SH3GL2: variants seen among roughly 807,000 people sequenced by gnomAD.
SH3GL2 encodes the protein SH3 domain containing GRB2 like 2, endophilin A1.
In SH3GL2, 24 loss-of-function variants were observed where a neutral mutation model predicts 46.0. That is an observed-to-expected ratio of 0.52 (90% CI 0.38 to 0.73). The LOEUF (loss-of-function observed/expected upper bound fraction) is 0.73. SH3GL2 is among the 30% of genes least tolerant of loss of function. SH3GL2 has a pLI of 0.00. For missense variants in SH3GL2, 413 were observed against 424.2 expected (o/e 0.97, Z 0.23); for synonymous variants, 196 against 147.1 (o/e 1.33, Z -2.40).
At chr9:17,741,351 T>C (rs1322186571) in intron 1 of SH3GL2, among the ~76,000 whole-genome samples, 1 of 152,174 alleles carries the variant, frequency 6.6e-6, no homozygotes, top group Non-Finnish European at 1.5e-5. Context: ...AATACATGTA[T>C]TTAGACGGTA....
At chr9:17,658,935 G>A (rs1820151991) in intron 1 of SH3GL2, among the ~76,000 whole-genome samples, 1 of 152,204 alleles carries the variant, frequency 6.6e-6, no homozygotes, top group Non-Finnish European at 1.5e-5. Flanking sequence ...TGTCCCTGGA[G>A]AGGGAGCTAA....
chr9:17,631,349 A>T (rs1819416996), intron 1 of SH3GL2, among the ~76,000 whole-genome samples: 1 of 152,182 alleles, frequency 6.6e-6, no homozygotes, highest in African/African-American at 2.4e-5. Context: ...ACCACAGTGT[A>T]GTGTTCTGAC....
At chr9:17,622,966 T>TTTTCC (rs1819178495) in intron 1 of SH3GL2, among the ~76,000 whole-genome samples, 1 of 87,204 alleles carries the variant, frequency 1.1e-5, no homozygotes, top group Non-Finnish European at 2.5e-5. Context: ...CCTCCCTCCC[T>TTTTCC]TTTCCTTTCG....
intron 3 of SH3GL2, among the ~76,000 whole-genome samples, chr9:17,764,112 C>G (rs1199166722): frequency 6.6e-6 from 1 of 152,176 alleles, no homozygotes; most frequent in East Asian, 1.9e-4. Context: ...GAATGGACAT[C>G]TGCCACTAAG....
intron 1 of SH3GL2, among the ~76,000 whole-genome samples, chr9:17,732,663 GT>G (rs1480818155): frequency 6.6e-6 from 1 of 152,090 alleles, no homozygotes; most frequent in African/African-American, 2.4e-5. Context: ...AATTGGCCTA[GT>G]GATAATATGA....
At chr9:17,582,202 T>TA (rs1818290409) in intron 1 of SH3GL2, among the ~76,000 whole-genome samples, 3 of 152,086 alleles carry the variant, frequency 2.0e-5, no homozygotes, top group South Asian at 4.1e-4. Context: ...AATTTGGAGG[T>TA]AAAAAAATGC....
chr9:17,674,150 T>C (rs1449071627), intron 1 of SH3GL2, among the ~76,000 whole-genome samples: 2 of 152,258 alleles, frequency 1.3e-5, no homozygotes, highest in Non-Finnish European at 2.9e-5. Flanking sequence ...TGAGAGTTAG[T>C]AACATGTTCT....
intron 3 of SH3GL2, among the ~76,000 whole-genome samples, chr9:17,784,672 C>T (rs1823904271): frequency 6.6e-6 from 1 of 152,136 alleles, no homozygotes; most frequent in Admixed American, 6.6e-5. Context: ...ATATGACTCA[C>T]TGCAGAAAAT....
At chr9:17,690,540 A>G (rs1263440227) in intron 1 of SH3GL2, among the ~76,000 whole-genome samples, 1 of 152,040 alleles carries the variant, frequency 6.6e-6, no homozygotes, top group Non-Finnish European at 1.5e-5. Context: ...ATTCTGCTCA[A>G]AAATTATGTT....
At chr9:17,681,551 C>G (rs1040167400) in intron 1 of SH3GL2, among the ~76,000 whole-genome samples, 11 of 152,060 alleles carry the variant, frequency 7.2e-5, no homozygotes, top group African/African-American at 2.4e-4. Flanking sequence ...CAAAAGTTAA[C>G]TCAAGATGGG....
rs367992280 is a variant in SH3GL2, at chr9:17,717,898, A to G, written c.46-29168A>G. ...GTTATGCTTTGACCTTTTCGGTGTT[A>G]AGGTTCTGTGTGAATCCTCTGGGTT... On this transcript the variant is annotated intron_variant, in intron 1 of 8. Transcript: ENST00000380607. Among the ~76,000 whole-genome samples, 10 of 152,154 alleles carry G rather than the reference A, an allele frequency of 6.6e-5. No homozygotes were observed. In the East Asian group the frequency reaches 1.6e-3, roughly 24 times the overall value.
chr9:17,782,534 G>C (rs1823839741), intron 3 of SH3GL2, among the ~76,000 whole-genome samples: 1 of 152,090 alleles, frequency 6.6e-6, no homozygotes, highest in Non-Finnish European at 1.5e-5. Context: ...AAGACTCAGT[G>C]GTAGCCTTGG....
intron 1 of SH3GL2, 48 bp downstream of exon 1, chr9:17,579,335 C>T (rs1818229681): frequency 3.7e-6 from 5 of 1,367,906 alleles, no homozygotes; most frequent in Non-Finnish European, 5.0e-6. Context: ...GGCGAAGCTG[C>T]GAGGGGCGCG....
chr9:17,678,864 C>T (rs1588230953), intron 1 of SH3GL2, among the ~76,000 whole-genome samples: 1 of 152,210 alleles, frequency 6.6e-6, no homozygotes, highest in Non-Finnish European at 1.5e-5. Flanking sequence ...AGCCAGTTTT[C>T]CCAGCACCAT....
intron 1 of SH3GL2, among the ~76,000 whole-genome samples, chr9:17,579,801 CG>C (rs1409773887): frequency 1.3e-5 from 2 of 152,184 alleles, no homozygotes; most frequent in African/African-American, 4.8e-5. Flanking sequence ...CCTTCCCCGC[CG>C]CCCGCAGGCT....
At chr9:17,592,116 C>T (rs1297762647) in intron 1 of SH3GL2, among the ~76,000 whole-genome samples, 1 of 152,148 alleles carries the variant, frequency 6.6e-6, no homozygotes, top group East Asian at 1.9e-4. Flanking sequence ...AGTCCAAAGG[C>T]CTGAGGCCCC....
intron 1 of SH3GL2, among the ~76,000 whole-genome samples, chr9:17,669,078 G>A (rs112539215): frequency 6.6e-6 from 1 of 152,094 alleles, no homozygotes; most frequent in African/African-American, 2.4e-5. Flanking sequence ...CTCTGTTTAT[G>A]TAATACCATG....
chr9:17,743,132 T>C (rs1822577035), intron 1 of SH3GL2, among the ~76,000 whole-genome samples: 1 of 152,154 alleles, frequency 6.6e-6, no homozygotes, highest in Non-Finnish European at 1.5e-5. Flanking sequence ...CTCACCTTGA[T>C]CCTTATGCAT....
At chr9:17,790,478 T>A in intron 6 of SH3GL2, 3 of 944,672 alleles carry the variant, frequency 3.2e-6, no homozygotes, top group Non-Finnish European at 3.8e-6. Context: ...TAGGTTTTTG[T>A]TTATGTAAAA....
Sources: gnomAD v4.1 joint callset for allele counts (sites outside exome capture counted in the v4.1 genomes callset) on GRCh38, gnomAD v4.1.1 for gene constraint, MANE v1.5 for transcripts, NCBI Gene and HGNC (gene_info 2026-07-23, HGNC 2026-07-21) for gene names.